The following LRTM2 variants were observed in gnomAD, a reference collection of about 807,000 sequenced individuals.
LRTM2 encodes leucine-rich repeat and transmembrane domain-containing protein 2.
LRTM2 carries 18 observed loss-of-function variants against 28.1 expected under a neutral mutation model. The ratio of observed to expected loss-of-function variants is 0.64; its 90% CI spans 0.44 to 0.95. LRTM2 has a LOEUF of 0.95. LRTM2 is among the 40% of genes least tolerant of loss of function. The probability of loss-of-function intolerance (pLI) is 0.00; values close to 1 mark genes in which losing one functional copy is unlikely to be tolerated. For missense variants in LRTM2, 436 were observed against 497.2 expected, an observed-to-expected ratio of 0.88 and a Z score of 1.17; for synonymous variants, 250 against 218.7, an observed-to-expected ratio of 1.14 and a Z score of -1.26.
At position 1,829,826 on chromosome 12, in the gene LRTM2, G is replaced by A. The variant is rs931904721; in HGVS notation, c.68-1109G>A. ...CTCTAGGCTGGGTGGAACTGACCTC[G>A]GCTGGGCTGACCTGGTGGGGCTGAA... On this transcript the variant is annotated intron_variant, in intron 3 of 4. Transcript: ENST00000299194. This position sits in a 1 kb window ranked among gnomAD's most constrained non-coding sequence, Gnocchi z 4.2. Among the ~76,000 whole-genome samples, 5 of 151,878 alleles carry A rather than the reference G, an allele frequency of 3.3e-5. No individual in the cohort carries two copies. The highest frequency in any genetic ancestry group is 2.1e-4 in the South Asian group (1 of 4,808).
At chr12:1,831,593 C>T (rs976346120) in intron 4 of LRTM2, 68 bp downstream of exon 4, 7 of 1,350,436 alleles carry the variant, frequency 5.2e-6, no homozygotes, top group Non-Finnish European at 7.2e-6. Context: ...ACACTTTCCT[C>T]CTGGTGGCTG....
chr12:1,828,096 A>G lies in LRTM2; in HGVS notation c.-53A>G. On this transcript the variant is annotated 5_prime_UTR_variant, in exon 3 of 5. Coordinates refer to ENST00000299194, the MANE Select transcript of LRTM2 (RefSeq NM_001039029.3). This position sits in a 1 kb window ranked among gnomAD's most constrained non-coding sequence, Gnocchi z 4.2. ...CTCAGGACTGACAGGCGGCGCACCC[A>G]GGGGCTCCTCTCTCCCCAGAGCGAC... The G allele has an allele frequency of 1.4e-6, 2 of 1,461,542 alleles. No homozygotes were observed. The highest frequency in any genetic ancestry group is 1.8e-6 in the Non-Finnish European group (2 of 1,100,490). The allele number at this position is 1,461,542 out of a possible 1,614,324, so 90.5% of individuals were successfully genotyped here. A position where few individuals can be genotyped will look rare whatever the true frequency, so the allele number is the denominator to read the frequency against.
intron 1 of LRTM2, among the ~76,000 whole-genome samples, chr12:1,826,952 C>T (rs1415271383): frequency 6.6e-6 from 1 of 152,248 alleles, no homozygotes; most frequent in Non-Finnish European, 1.5e-5. Context: ...GTCTCCTGGG[C>T]TCCCAGAATT....
chr12:1,834,638 C>T lies in LRTM2; in HGVS notation c.1030C>T (p.Arg344Trp). The change falls in exon 5 of 5, where the codon CGG (arginine) becomes TGG (tryptophan). Residue 344 changes from arginine (R) to tryptophan (W), a missense_variant. Arg to Trp is a moderately radical substitution (Grantham distance 101). Coordinates refer to ENST00000299194, the MANE Select transcript of LRTM2 (RefSeq NM_001039029.3). This position sits in a 1 kb window ranked among gnomAD's most constrained non-coding sequence, Gnocchi z 7.6. ...CGCCTCCCTCATGGCCAAGTACCAC[C>T]GGGAGCTCAAAAAGCGCCAGCCCCT... ...IYASLMAKYH[R>W]ELKKRQPLMG... 1.9e-6 allele frequency: 3 copies of T among 1,600,572 alleles called. No individual in the cohort carries two copies. Among genetic ancestry groups the T allele is most frequent in the Non-Finnish European group, 2.5e-6 (3 of 1,179,848 alleles).
intron 1 of LRTM2, among the ~76,000 whole-genome samples, chr12:1,821,417 C>T (rs952228227): frequency 2.6e-5 from 4 of 152,204 alleles, no homozygotes; most frequent in African/African-American, 9.6e-5. Context: ...GCCCACTCAG[C>T]TGTGCATGAA....
At chr12:1,832,153 A>G (rs938540847) in intron 4 of LRTM2, among the ~76,000 whole-genome samples, 33 of 152,194 alleles carry the variant, frequency 2.2e-4, no homozygotes, top group African/African-American at 7.7e-4. Context: ...GACCTATGAC[A>G]TGATCACATG....
At position 1,834,630 on chromosome 12, in the gene LRTM2, A is replaced by C; in HGVS notation, c.1022A>C (p.Lys341Thr). The C allele has an allele frequency of 6.2e-7, 1 of 1,600,320 alleles. No homozygotes were observed. Among genetic ancestry groups the C allele is most frequent in the Non-Finnish European group, 8.5e-7 (1 of 1,179,900 alleles). ...TGCATCTACGCCTCCCTCATGGCCA[A>C]GTACCACCGGGAGCTCAAAAAGCGC... ...YGCIYASLMA[K>T]YHRELKKRQP... The change falls in exon 5 of 5, where the codon AAG (lysine) becomes ACG (threonine). Residue 341 changes from lysine (K) to threonine (T), a missense_variant. Transcript: ENST00000299194. The surrounding 1 kb of genome is among the most constrained non-coding windows in gnomAD (Gnocchi z 7.6).
chr12:1,826,948 T>A (rs1332324444), intron 1 of LRTM2, among the ~76,000 whole-genome samples: 1 of 152,214 alleles, frequency 6.6e-6, no homozygotes, highest in African/African-American at 2.4e-5. Flanking sequence ...TATTGTCTCC[T>A]GGGCTCCCAG....
chr12:1,826,404 C>CA (rs199636691), intron 1 of LRTM2, among the ~76,000 whole-genome samples: 4 of 51,544 alleles, frequency 7.8e-5, no homozygotes, highest in South Asian at 8.6e-4. Context: ...CCCAGAGCCC[C>CA]CCCCCCCCCC....
intron 1 of LRTM2, among the ~76,000 whole-genome samples, chr12:1,821,661 C>A (rs1346342374): frequency 6.6e-6 from 1 of 152,128 alleles, no homozygotes; most frequent in Admixed American, 6.5e-5. Context: ...GGCTTCTTGA[C>A]CCACACAGGG....
At chr12:1,832,099 T>C (rs1864661750) in intron 4 of LRTM2, among the ~76,000 whole-genome samples, 1 of 152,234 alleles carries the variant, frequency 6.6e-6, no homozygotes, top group South Asian at 2.1e-4. Context: ...TAGGCTTTAC[T>C]TTCTTCCCTT....
chr12:1,822,707 T>C (rs1864156044), intron 1 of LRTM2, among the ~76,000 whole-genome samples: 1 of 152,154 alleles, frequency 6.6e-6, no homozygotes, highest in Non-Finnish European at 1.5e-5. Flanking sequence ...AGTACAAATA[T>C]AGAGATTTTT....
intron 2 of LRTM2, 87 bp from the exon 3 acceptor site, chr12:1,827,989 A>G (rs1766413959): frequency 1.9e-6 from 1 of 520,784 alleles, no homozygotes; most frequent in South Asian, 3.2e-5. Flanking sequence ...TGAGGAGTGT[A>G]AAGAGACACC....
chr12:1,833,410 C>G lies in LRTM2; in HGVS notation c.659-857C>G, dbSNP rs978925103. 6.6e-6 allele frequency among the ~76,000 whole-genome samples: 1 copy of G among 152,142 alleles called. No individual in the cohort carries two copies. Among genetic ancestry groups the G allele is most frequent in the African/African-American group, 2.4e-5 (1 of 41,406 alleles). ...TATTGTCCTCAACCACCTTCTCTCT[C>G]ACCCCAGCCCTGTCCTGCATCTGTG... On this transcript the variant is annotated intron_variant, in intron 4 of 4. Transcript: ENST00000299194. The surrounding 1 kb of genome is among the most constrained non-coding windows in gnomAD (Gnocchi z 4.2).
chr12:1,830,806 C>T lies in LRTM2; in HGVS notation c.68-129C>T, dbSNP rs1321998937. 2.4e-5 allele frequency: 17 copies of T among 710,902 alleles called. 1 individual carries two copies. Among genetic ancestry groups the T allele is most frequent in the Middle Eastern group, 4.9e-4 (2 of 4,074 alleles). The allele number at this position is 710,902 out of a possible 1,614,324, so 44.0% of individuals were successfully genotyped here. A position where few individuals can be genotyped will look rare whatever the true frequency, so the allele number is the denominator to read the frequency against. ...TTTATGTGGTTAATAAACGTTTATG[C>T]ATTGATTGTGGCTTGTGCCAAAGGA... On this transcript the variant is annotated intron_variant, in intron 3 of 4. Coordinates refer to ENST00000299194, the MANE Select transcript of LRTM2 (RefSeq NM_001039029.3).
At chr12:1,821,169 C>T (rs1487825331) in intron 1 of LRTM2, among the ~76,000 whole-genome samples, 3 of 152,134 alleles carry the variant, frequency 2.0e-5, no homozygotes, top group African/African-American at 4.8e-5. Flanking sequence ...TCGTTGTGCC[C>T]GGCTCTGCAC....
chr12:1,824,390 A>G (rs1469680545), intron 1 of LRTM2, among the ~76,000 whole-genome samples: 1 of 152,208 alleles, frequency 6.6e-6, no homozygotes, highest in Admixed American at 6.5e-5. Context: ...GCAATGGTCT[A>G]CACTCAAAGC....
intron 1 of LRTM2, among the ~76,000 whole-genome samples, chr12:1,825,197 G>C (rs1460765257): frequency 6.6e-6 from 1 of 152,228 alleles, no homozygotes; most frequent in Non-Finnish European, 1.5e-5. Context: ...CCTGTTTGCT[G>C]GTTAACTCCT....
In LRTM2 at chr12:1,829,915, A is replaced by G. The variant is rs1260720121; in HGVS notation, c.68-1020A>G. ...AGGCTTCTCTGCTACTCAGGAGGAC[A>G]CTTAGGGGTTTTTGAGGCCACTATT... On this transcript the variant is annotated intron_variant, in intron 3 of 4. Coordinates refer to ENST00000299194, the MANE Select transcript of LRTM2 (RefSeq NM_001039029.3). The surrounding 1 kb of genome is among the most constrained non-coding windows in gnomAD (Gnocchi z 4.2). Among the ~76,000 whole-genome samples the G allele has an allele frequency of 6.6e-6, 1 of 152,044 alleles. No homozygotes were observed. The highest frequency in any genetic ancestry group is 1.5e-5 in the Non-Finnish European group (1 of 68,002).
Sources: gnomAD v4.1 joint callset for allele counts (sites outside exome capture counted in the v4.1 genomes callset) on GRCh38, gnomAD v4.1.1 for gene constraint, Gnocchi (gnomAD v3.1) non-coding constraint, MANE v1.5 for transcripts, NCBI Gene and HGNC (gene_info 2026-07-23, HGNC 2026-07-21) for gene names.